Variants in SLC35D1 observed in about 807,000 individuals in gnomAD.
The protein encoded by SLC35D1 is solute carrier family 35 member D1.
In SLC35D1, 31 loss-of-function variants were observed where a neutral mutation model predicts 46.7. That is an observed-to-expected ratio of 0.66 (90% confidence interval 0.50 to 0.90). The LOEUF (loss-of-function observed/expected upper bound fraction) is 0.90. Among genes scored for constraint, SLC35D1 ranks in the 40% least tolerant of loss-of-function variants. The pLI is 0.00. For missense variants in SLC35D1, 397 were observed against 426.2 expected (o/e 0.93, Z 0.60); for synonymous variants, 195 against 164.6 (o/e 1.18, Z -1.41).
Position 67,054,073 on chromosome 1 carries a change from C to T in SLC35D1, c.-60G>A, listed in dbSNP as rs865861752. 2.6e-6 allele frequency: 4 copies of T among 1,567,952 alleles called. No homozygotes were observed. The highest frequency in any genetic ancestry group is 1.4e-5 in the African/African-American group (1 of 73,586). On this transcript the variant is annotated 5_prime_UTR_variant, in exon 1 of 12. Coordinates refer to ENST00000235345, the MANE Select transcript of SLC35D1 (RefSeq NM_015139.3). ...CTAGCGGCTCGGGGGCCTGCAGCGG[C>T]AGCTCCCAGGGGACTCCAGGAGTTG...
At chr1:66,982,885 A>G in the SLC35D1 span, among the ~76,000 whole-genome samples, 34 of 152,220 alleles carry the variant, frequency 2.2e-4, no homozygotes, top group Admixed American at 1.6e-3. Flanking sequence ...CTTGATGTCT[A>G]ATGTTTGTCA....
At chr1:67,018,098 A>G (rs1667723117) in intron 10 of SLC35D1, among the ~76,000 whole-genome samples, 1 of 152,210 alleles carries the variant, frequency 6.6e-6, no homozygotes, top group African/African-American at 2.4e-5. Flanking sequence ...GCCAAAAAGA[A>G]ACTTCAAAAT....
At chr1:67,004,861 C>T (rs1350193424) in intron 11 of SLC35D1, among the ~76,000 whole-genome samples, 1 of 151,986 alleles carries the variant, frequency 6.6e-6, no homozygotes, top group Non-Finnish European at 1.5e-5. Context: ...GAAAAATAGG[C>T]ATTAATAGGA....
intron 10 of SLC35D1, among the ~76,000 whole-genome samples, chr1:67,010,947 T>A (rs988295399): frequency 6.6e-6 from 1 of 152,148 alleles, no homozygotes; most frequent in African/African-American, 2.4e-5. Flanking sequence ...CTTGTCCAGA[T>A]CTAGGAAACA....
At chr1:67,012,917 C>T (rs192425298) in intron 10 of SLC35D1, among the ~76,000 whole-genome samples, 147 of 151,956 alleles carry the variant, frequency 9.7e-4, no homozygotes, top group African/African-American at 3.1e-3. Flanking sequence ...TTAGAGATGC[C>T]AGGTGCATCC....
At chr1:67,015,671 G>A (rs2102262861) in intron 10 of SLC35D1, among the ~76,000 whole-genome samples, 1 of 152,208 alleles carries the variant, frequency 6.6e-6, no homozygotes, top group East Asian at 1.9e-4. Context: ...TTACAGACGT[G>A]AGCCACCAAG....
chr1:67,036,980 G>T (rs1668136358), intron 8 of SLC35D1, among the ~76,000 whole-genome samples: 1 of 151,802 alleles, frequency 6.6e-6, no homozygotes, highest in South Asian at 2.1e-4. Flanking sequence ...TTACCATGAG[G>T]CTTGCAAACA....
rs964691631 is a variant in SLC35D1 at position 67,013,157 on chromosome 1, G to GATATAT, written c.877-3996_877-3991dup. Among the ~76,000 whole-genome samples the GATATAT allele has an allele frequency of 2.0e-4, 6 of 29,814 alleles. 2 individuals carry two copies. In the East Asian group the frequency reaches 9.5e-3, roughly 47 times the overall value. The allele number at this position is 29,814 out of a possible 152,430, so 19.6% of individuals were successfully genotyped here. On this transcript the variant is annotated intron_variant, in intron 10 of 11. Transcript: ENST00000235345. ...ATAATTTAAGAACATATATCCTGGA[G>GATATAT]ATATATATATATCCTGTTCTTAAAT...
At chr1:67,021,433 A>T in intron 9 of SLC35D1, 102 bp downstream of exon 9, 1 of 1,231,648 alleles carries the variant, frequency 8.1e-7, no homozygotes, top group Non-Finnish European at 1.2e-6. Context: ...TCCTAGGCTG[A>T]CACACTCAGG....
At chr1:67,041,349 G>C (rs1668238125) in intron 8 of SLC35D1, among the ~76,000 whole-genome samples, 1 of 152,048 alleles carries the variant, frequency 6.6e-6, no homozygotes, top group African/African-American at 2.4e-5. Flanking sequence ...ATGGGGGGTG[G>C]GAAACAGCTT....
At chr1:67,032,517 C>A (rs558568401) in intron 8 of SLC35D1, among the ~76,000 whole-genome samples, 7 of 151,768 alleles carry the variant, frequency 4.6e-5, no homozygotes, top group African/African-American at 1.5e-4. Flanking sequence ...CCTATCTCTA[C>A]GAAAAATACA....
downstream of SLC35D1, among the ~76,000 whole-genome samples, chr1:66,995,129 C>T (rs1232300196): frequency 2.6e-5 from 4 of 152,144 alleles, no homozygotes; most frequent in African/African-American, 9.7e-5. Context: ...GTGATCCCCA[C>T]CTGACAGTCA....
the SLC35D1 span, among the ~76,000 whole-genome samples, chr1:66,991,018 A>C: frequency 6.6e-6 from 1 of 151,770 alleles, no homozygotes; most frequent in Non-Finnish European, 1.5e-5. Flanking sequence ...AACTCTGGCT[A>C]CTCTTTCCAG....
At chr1:66,976,595 G>A in the SLC35D1 span, 6 of 1,576,028 alleles carry the variant, frequency 3.8e-6, no homozygotes, top group East Asian at 1.1e-4. Context: ...TTTCTTACAG[G>A]TCCGAACAAG....
At position 67,052,791 on chromosome 1, in the gene SLC35D1, C is replaced by G; in HGVS notation, c.304G>C (p.Asp102His). The G allele has an allele frequency of 6.2e-7, 1 of 1,614,170 alleles. No individual in the cohort carries two copies. Among genetic ancestry groups the G allele is most frequent in the African/African-American group, 1.3e-5 (1 of 75,040 alleles). Residue 102 changes from aspartate to histidine, a missense_variant, in exon 3 of 12, where the codon GAC (aspartate) becomes CAC (histidine). By Grantham distance (81) the Asp-to-His change is moderately conservative. Transcript: ENST00000235345. ...TTTACCTTTCGAGGTACATTTCTGTCAAGGTCAGGAAACTTGACTACTCTG... is the reference window on the plus strand; with the variant it reads ...TTTACCTTTCGAGGTACATTTCTGTGAAGGTCAGGAAACTTGACTACTCTG... ...ALRVVKFPDL[D>H]RNVPRKTFPL... is the part of the protein sequence containing the mutation.
At chr1:66,990,041 T>C in the SLC35D1 span, among the ~76,000 whole-genome samples, 2 of 152,204 alleles carry the variant, frequency 1.3e-5, no homozygotes, top group Non-Finnish European at 2.9e-5. Context: ...GTGTATCCTT[T>C]TTTATTATTT....
At chr1:67,013,047 T>C (rs1457454049) in intron 10 of SLC35D1, among the ~76,000 whole-genome samples, 1 of 149,560 alleles carries the variant, frequency 6.7e-6, no homozygotes, top group South Asian at 2.1e-4. Flanking sequence ...AATCTGACAA[T>C]AGATTTTAAA....
chr1:67,052,857 T>C lies in SLC35D1; in HGVS notation c.238A>G (p.Met80Val), dbSNP rs749842000. 1.2e-6 allele frequency: 2 copies of C among 1,613,964 alleles called. No homozygotes were observed. The highest frequency in any genetic ancestry group is 2.2e-5 in the South Asian group (2 of 91,086). Reference protein sequence around the residue: ...PSSLCVGLGQMVATVAVLWVG... With the variant: ...PSSLCVGLGQVVATVAVLWVG... ...CAGAGAACTGCCACTGTGGCCACCA[T>C]CTGTAAACAAGAGAACACAGATTCA... Residue 80 changes from methionine to valine, a missense_variant and splice_region_variant, in exon 3 of 12, where the codon ATG becomes GTG. By Grantham distance (21) the Met-to-Val change is conservative. Transcript: ENST00000235345.
At position 67,052,734 on chromosome 1, in the gene SLC35D1, C is replaced by T. The variant is rs1371441659; in HGVS notation, c.324+37G>A. ...AAAATATGTTAATACATACTGACTT[C>T]ATTTCACAAAATAAAGTATCGCTTT... On this transcript the variant is annotated intron_variant, in intron 3 of 11. Coordinates refer to ENST00000235345, the MANE Select transcript of SLC35D1 (RefSeq NM_015139.3). The T allele has an allele frequency of 1.9e-6, 3 of 1,598,886 alleles. No homozygotes were observed. In the South Asian group the frequency reaches 3.3e-5, roughly 18 times the overall value.
Sources: gnomAD v4.1 joint callset for allele counts (sites outside exome capture counted in the v4.1 genomes callset) on GRCh38, gnomAD v4.1.1 for gene constraint, MANE v1.5 for transcripts, NCBI Gene and HGNC (gene_info 2026-07-23, HGNC 2026-07-21) for gene names.